Variants in PDE1A observed in about 807,000 individuals in gnomAD.
PDE1A encodes dual specificity calcium/calmodulin-dependent 3',5'-cyclic nucleotide phosphodiesterase 1A.
Under a neutral mutation model 61.7 loss-of-function variants are expected in PDE1A, and 35 were observed. The ratio of observed to expected loss-of-function variants is 0.57; its 90% CI spans 0.43 to 0.75. The LOEUF (loss-of-function observed/expected upper bound fraction) is 0.75, where lower values mean the gene tolerates loss of function less well. Ranked by LOEUF, PDE1A falls within the 30% of genes least tolerant of loss-of-function variation. The pLI, the probability that PDE1A is intolerant of heterozygous loss-of-function variation, is 0.00. For missense variants in PDE1A, 597 were observed against 630.6 expected (o/e 0.95, Z 0.57); for synonymous variants, 232 against 213.2 (o/e 1.09, Z -0.77).
Position 182,176,002 on chromosome 2 carries a change from C to T in PDE1A, c.1517-7712G>A, listed in dbSNP as rs1397164970. Among the ~76,000 whole-genome samples, 46 of 146,658 alleles carry T rather than the reference C, an allele frequency of 3.1e-4. 1 individual carries two copies. Among genetic ancestry groups the T allele is most frequent in the African/African-American group, 1.1e-3 (42 of 37,144 alleles). Reference sequence around the variant, plus strand: ...CAAAGATCAGATAGTTGTAGATATGCGGCGTTATTTCTGAGGGCTGTGTTC... The same window carrying T: ...CAAAGATCAGATAGTTGTAGATATGTGGCGTTATTTCTGAGGGCTGTGTTC... On this transcript the variant is annotated intron_variant, in intron 13 of 13. Transcript: ENST00000351439.
chr2:182,318,533 TAAGGCTG>T (rs1454990716), intron 1 of PDE1A, among the ~76,000 whole-genome samples: 1 of 152,146 alleles, frequency 6.6e-6, no homozygotes, highest in Non-Finnish European at 1.5e-5. Context: ...TAGGAGGTGC[TAAGGCTG>T]TTTTGCCGAA....
intron 1 of PDE1A, among the ~76,000 whole-genome samples, chr2:182,325,172 TAA>T (rs1696959617): frequency 6.6e-6 from 1 of 152,142 alleles, no homozygotes. Context: ...TAGGAAGATA[TAA>T]GTCTCAAGTA....
chr2:182,656,953 G>A, the PDE1A span, among the ~76,000 whole-genome samples: 5 of 152,204 alleles, frequency 3.3e-5, no homozygotes, highest in South Asian at 2.1e-4. Context: ...GGCCAGGTGC[G>A]GTGGCTCATG....
intron 2 of PDE1A, among the ~76,000 whole-genome samples, chr2:182,439,027 T>C (rs1992183): frequency 0.68 from 103,051 of 151,776 alleles, 35,262 homozygotes; most frequent in East Asian, 0.92. Flanking sequence ...AGATATTAAC[T>C]GGGATAGTAC....
the PDE1A span, among the ~76,000 whole-genome samples, chr2:182,614,276 A>G: frequency 6.6e-6 from 1 of 152,186 alleles, no homozygotes; most frequent in Non-Finnish European, 1.5e-5. Context: ...GCAGTGAAAA[A>G]GTTTGGGAAC....
intron 1 of PDE1A, among the ~76,000 whole-genome samples, chr2:182,425,975 G>A (rs1703595389): frequency 6.6e-6 from 1 of 152,180 alleles, no homozygotes; most frequent in Non-Finnish European, 1.5e-5. Context: ...AAGAAAGGGT[G>A]TACCTCCCTC....
At chr2:182,515,321 C>G (rs1054674651) in intron 2 of PDE1A, among the ~76,000 whole-genome samples, 1 of 152,152 alleles carries the variant, frequency 6.6e-6, no homozygotes, top group East Asian at 1.9e-4. Flanking sequence ...GTACCTGACA[C>G]AGTATACAAT....
intron 8 of PDE1A, 106 bp downstream of exon 8, chr2:182,205,834 G>A (rs1687053344): frequency 5.2e-6 from 5 of 955,862 alleles, no homozygotes; most frequent in Admixed American, 2.5e-5. Context: ...AATTAAGTTT[G>A]TAATTTGGGG....
intron 1 of PDE1A, among the ~76,000 whole-genome samples, chr2:182,408,341 C>T (rs1574581296): frequency 6.6e-6 from 1 of 152,180 alleles, no homozygotes; most frequent in East Asian, 1.9e-4. Context: ...TACTTTCTAG[C>T]TGTATTACCT....
downstream of PDE1A, among the ~76,000 whole-genome samples, chr2:182,145,376 T>A (rs1365686002): frequency 6.6e-6 from 1 of 151,782 alleles, no homozygotes; most frequent in Admixed American, 6.6e-5. Flanking sequence ...AAAAAAAAAA[T>A]TGCCAAATCG....
intron 2 of PDE1A, among the ~76,000 whole-genome samples, chr2:182,498,189 G>A (rs918046262): frequency 6.6e-6 from 1 of 151,982 alleles, no homozygotes; most frequent in Non-Finnish European, 1.5e-5. Flanking sequence ...CCAAACCTCT[G>A]AGGAAAGCCT....
At chr2:182,226,159 G>A (rs752886370) in intron 6 of PDE1A, among the ~76,000 whole-genome samples, 2 of 149,496 alleles carry the variant, frequency 1.3e-5, no homozygotes, top group Non-Finnish European at 2.9e-5. Context: ...TATAGCTGTG[G>A]TTTTAAAAAA....
chr2:182,466,036 A>G (rs1308045328), intron 2 of PDE1A, among the ~76,000 whole-genome samples: 1 of 151,866 alleles, frequency 6.6e-6, no homozygotes. Context: ...TGTTGCCTAC[A>G]CTTTTGTGTG....
intron 1 of PDE1A, among the ~76,000 whole-genome samples, chr2:182,329,168 T>C (rs561980901): frequency 6.6e-6 from 1 of 152,272 alleles, no homozygotes; most frequent in African/African-American, 2.4e-5. Flanking sequence ...AGTAAATGAT[T>C]ATATATGGCT....
At chr2:182,321,458 T>G (rs1696684909) in intron 1 of PDE1A, among the ~76,000 whole-genome samples, 1 of 152,182 alleles carries the variant, frequency 6.6e-6, no homozygotes, top group Non-Finnish European at 1.5e-5. Context: ...TTGCTTTTTT[T>G]TGGTTTTATG....
chr2:182,599,505 T>G, the PDE1A span, among the ~76,000 whole-genome samples: 1 of 152,192 alleles, frequency 6.6e-6, no homozygotes, highest in Non-Finnish European at 1.5e-5. Flanking sequence ...AGGACATACA[T>G]CCCACCTCTC....
chr2:182,635,200 G>A, the PDE1A span, among the ~76,000 whole-genome samples: 1 of 150,976 alleles, frequency 6.6e-6, no homozygotes, highest in Non-Finnish European at 1.5e-5. Flanking sequence ...ATTTTTTGAT[G>A]TTGCTTTTAA....
At chr2:182,343,365 A>G (rs1436379074) in intron 1 of PDE1A, among the ~76,000 whole-genome samples, 5 of 152,242 alleles carry the variant, frequency 3.3e-5, no homozygotes, top group African/African-American at 1.2e-4. Context: ...GCACTATACC[A>G]ACTAACCACT....
chr2:182,393,252 G>C (rs1701520187), intron 1 of PDE1A, among the ~76,000 whole-genome samples: 1 of 152,218 alleles, frequency 6.6e-6, no homozygotes, highest in Non-Finnish European at 1.5e-5. Flanking sequence ...AGCCACCAAG[G>C]TTTGGGGCTT....
Sources: gnomAD v4.1 joint callset for allele counts (sites outside exome capture counted in the v4.1 genomes callset) on GRCh38, gnomAD v4.1.1 for gene constraint, MANE v1.5 for transcripts, NCBI Gene and HGNC (gene_info 2026-07-23, HGNC 2026-07-21) for gene names.